The following DYNC1I2 variants were observed in gnomAD, a reference collection of about 807,000 sequenced individuals.
DYNC1I2 encodes the protein dynein cytoplasmic 1 intermediate chain 2.
A neutral mutation model predicts 88.6 loss-of-function variants in DYNC1I2; 53 were observed. That is an observed-to-expected ratio of 0.60 (90% CI 0.48 to 0.75). The LOEUF is 0.75. Among genes scored for constraint, DYNC1I2 ranks in the 30% least tolerant of loss-of-function variants. The pLI is 0.00. For missense variants in DYNC1I2, 458 were observed against 766.6 expected, an observed-to-expected ratio of 0.60 and a Z score of 4.75; for synonymous variants, 198 against 254.6, an observed-to-expected ratio of 0.78 and a Z score of 2.12.
Position 171,726,338 on chromosome 2 carries a change from TATA to T in DYNC1I2, c.870+48_870+50del, listed in dbSNP as rs755860143. On this transcript the variant is annotated intron_variant, in intron 10 of 17. Transcript: ENST00000397119. Reference sequence around the variant, plus strand: ...GCCGCTCTTAACTCATTTTTAAAATTATAATTAGCAGGTCATTTTATTTTAATT... The same window carrying T: ...GCCGCTCTTAACTCATTTTTAAAATTATTAGCAGGTCATTTTATTTTAATT... The T allele has an allele frequency of 5.8e-5, 76 of 1,319,700 alleles. 1 individual carries two copies. The African/African-American group carries it at 1.0e-3, about 18-fold the overall frequency. The allele number at this position is 1,319,700 out of a possible 1,614,324, so 81.7% of individuals were successfully genotyped here.
Position 171,692,857 on chromosome 2 carries a change from G to C in DYNC1I2, c.189G>C (p.Leu63Phe). Residue 63 changes from leucine (L) to phenylalanine (F), a missense_variant, in exon 3 of 18, where the codon TTG (leucine) becomes TTC (phenylalanine). By Grantham distance (22) the Leu-to-Phe change is conservative. Coordinates refer to ENST00000397119, the MANE Select transcript of DYNC1I2 (RefSeq NM_001378.3). ...AAAAAAGGAGAGAAGCTGAAGCATT[G>C]CTTCAAAGCATGGGGCTAACTCCAG... ...LEKKRREAEA[L>F]LQSMGLTPES... 6.2e-7 allele frequency: 1 copy of C among 1,602,150 alleles called. No homozygotes were observed.
chr2:171,717,265 C>T (rs1034999811), intron 7 of DYNC1I2, among the ~76,000 whole-genome samples: 5 of 151,654 alleles, frequency 3.3e-5, no homozygotes, highest in Non-Finnish European at 7.4e-5. Context: ...AGGCGCCTGC[C>T]ACCACGCCCG....
At chr2:171,724,381 G>C (rs1574589765) in intron 7 of DYNC1I2, among the ~76,000 whole-genome samples, 1 of 152,206 alleles carries the variant, frequency 6.6e-6, no homozygotes, top group Non-Finnish European at 1.5e-5. Flanking sequence ...GCCTCCTGGA[G>C]TGCTGGTAAT....
intron 3 of DYNC1I2, among the ~76,000 whole-genome samples, chr2:171,700,188 G>A (rs572029081): frequency 1.3e-5 from 2 of 152,260 alleles, no homozygotes; most frequent in East Asian, 3.9e-4. Flanking sequence ...GGTTGCTAGT[G>A]GGACAGCTGA....
chr2:171,702,150 T>TA (rs527912275), intron 3 of DYNC1I2, among the ~76,000 whole-genome samples: 129 of 152,366 alleles, frequency 8.5e-4, no homozygotes, highest in Middle Eastern at 3.4e-3. Flanking sequence ...TCCAAATAGC[T>TA]ATGAACAAAG....
chr2:171,706,952 G>A (rs979328891), intron 4 of DYNC1I2: 2 of 452,060 alleles, frequency 4.4e-6, no homozygotes, highest in Non-Finnish European at 7.8e-6. Flanking sequence ...GTTACAAGGG[G>A]GAGAAGGAAT....
rs3821091 is a variant in DYNC1I2 at position 171,725,602 on chromosome 2, T to G, written c.512-16T>G. ...TGTTTTTTTGTTTTTTTGTTTGTTTTTTTTTTTTTTTTCAGATGAAGAGGA... is the reference window on the plus strand; with the variant it reads ...TGTTTTTTTGTTTTTTTGTTTGTTTGTTTTTTTTTTTTCAGATGAAGAGGA... On this transcript the variant is annotated splice_polypyrimidine_tract_variant and intron_variant, in intron 7 of 17. Coordinates refer to ENST00000397119, the MANE Select transcript of DYNC1I2 (RefSeq NM_001378.3). 7.6e-3 allele frequency: 7,344 copies of G among 967,074 alleles called. 6 individuals are homozygous for G. The highest frequency in any genetic ancestry group is 8.3e-3 in the Non-Finnish European group (5,972 of 722,902). 59.9% of individuals were successfully genotyped at this position (967,074 alleles called of 1,614,324 possible). A position where few individuals can be genotyped will look rare whatever the true frequency, so the allele number is the denominator to read the frequency against.
chr2:171,699,806 T>A (rs1448285255), intron 3 of DYNC1I2, among the ~76,000 whole-genome samples: 1 of 151,948 alleles, frequency 6.6e-6, no homozygotes, highest in Non-Finnish European at 1.5e-5. Flanking sequence ...CTGGCTAGTT[T>A]AAAAAATTTT....
intron 7 of DYNC1I2, among the ~76,000 whole-genome samples, chr2:171,723,144 T>C (rs1449069623): frequency 6.6e-6 from 1 of 152,198 alleles, no homozygotes; most frequent in East Asian, 1.9e-4. Context: ...ACTAAAGTAC[T>C]GACCATATGC....
intron 16 of DYNC1I2, 84 bp from the exon 17 acceptor site, chr2:171,745,718 C>G: frequency 7.1e-7 from 1 of 1,402,658 alleles, no homozygotes; most frequent in South Asian, 1.6e-5. Flanking sequence ...ATGTAGCCAG[C>G]TTGAGAGAAG....
In DYNC1I2 at chr2:171,725,921, C is replaced by T. The variant is rs1370918523; in HGVS notation, c.610C>T (p.Pro204Ser). ...TCAAAAAATTATTTATTTTCCAGCTCCCCCTCATGAGCTGACTGAAGAAGA... is the reference window on the plus strand; with the variant it reads ...TCAAAAAATTATTTATTTTCCAGCTTCCCCTCATGAGCTGACTGAAGAAGA... ...KKDEENDSKA[P>S]PHELTEEEKQ... The change falls in exon 9 of 18, where the codon CCC becomes TCC. Residue 204 changes from proline to serine, a missense_variant and splice_region_variant. Transcript: ENST00000397119. 6.4e-7 allele frequency: 1 copy of T among 1,565,326 alleles called. No homozygotes were observed. Among genetic ancestry groups the T allele is most frequent in the Admixed American group, 2.2e-5 (1 of 45,278 alleles).
intron 15 of DYNC1I2, among the ~76,000 whole-genome samples, chr2:171,730,432 T>G (rs1053331816): frequency 1.3e-5 from 2 of 152,226 alleles, no homozygotes; most frequent in African/African-American, 2.4e-5. Context: ...TTTAATAAAC[T>G]TCAGTATTTT....
At chr2:171,707,260 C>T (rs376305405) in intron 4 of DYNC1I2, 27 bp from the exon 5 acceptor site, 25 of 1,613,470 alleles carry the variant, frequency 1.5e-5, no homozygotes, top group African/African-American at 4.0e-5. Flanking sequence ...GTAGTAACAG[C>T]GGATACCTGT....
intron 6 of DYNC1I2, among the ~76,000 whole-genome samples, chr2:171,713,793 AAT>A (rs1188290618): frequency 1.3e-5 from 2 of 152,148 alleles, no homozygotes; most frequent in African/African-American, 4.8e-5. Context: ...ATGTAAGAAA[AAT>A]ATATGAGTTT....
chr2:171,706,453 C>T, intron 3 of DYNC1I2, 94 bp from the exon 4 acceptor site: 1 of 1,017,224 alleles, frequency 9.8e-7, no homozygotes, highest in Non-Finnish European at 1.5e-6. Flanking sequence ...AAAGCACTTG[C>T]TGTTTATTTT....
chr2:171,718,167 A>G (rs1056944779), intron 7 of DYNC1I2, among the ~76,000 whole-genome samples: 1 of 152,094 alleles, frequency 6.6e-6, no homozygotes, highest in African/African-American at 2.4e-5. Context: ...CATGTTGGCC[A>G]CGCTGGTCTC....
chr2:171,728,043 A>G, intron 12 of DYNC1I2, 76 bp downstream of exon 12: 1 of 1,466,318 alleles, frequency 6.8e-7, no homozygotes. Context: ...AGTGGCCATC[A>G]GAGTCATCTC....
At chr2:171,690,913 C>T (rs1002845542) in intron 2 of DYNC1I2, among the ~76,000 whole-genome samples, 3 of 152,042 alleles carry the variant, frequency 2.0e-5, no homozygotes, top group Non-Finnish European at 4.4e-5. Flanking sequence ...GCCTAGGCTT[C>T]CCGAAGTGTT....
chr2:171,689,047 C>G (rs1202433139), intron 1 of DYNC1I2, among the ~76,000 whole-genome samples: 3 of 152,002 alleles, frequency 2.0e-5, no homozygotes, highest in African/African-American at 7.2e-5. Context: ...TCCTAAAACT[C>G]AAGCTGAAGT....
Sources: gnomAD v4.1 joint callset for allele counts (sites outside exome capture counted in the v4.1 genomes callset) on GRCh38, gnomAD v4.1.1 for gene constraint, MANE v1.5 for transcripts, NCBI Gene and HGNC (gene_info 2026-07-23, HGNC 2026-07-21) for gene names.